The following DST variants were observed in gnomAD, a reference collection of about 807,000 sequenced individuals.
DST encodes bullous pemphigoid antigen.
Under a neutral mutation model 875.2 loss-of-function variants are expected in DST, and 253 were observed. That is an observed-to-expected ratio of 0.29 (90% CI 0.26 to 0.32). The LOEUF (loss-of-function observed/expected upper bound fraction) is 0.32, where lower values mean the gene tolerates loss of function less well. Ranked by LOEUF, DST falls within the 10% of genes least tolerant of loss-of-function variation. The pLI, the probability that DST is intolerant of heterozygous loss-of-function variation, is 1.00. For missense variants in DST, 8,287 were observed against 9,111.6 expected, an observed-to-expected ratio of 0.91 and a Z score of 3.68; for synonymous variants, 3,124 against 3,197.1, an observed-to-expected ratio of 0.98 and a Z score of 0.77.
rs1554548438 is a variant in DST at position 56,639,686 on chromosome 6, A to AG, written c.2697+9_2697+10insC. The AG allele has an allele frequency of 4.3e-6, 7 of 1,613,696 alleles. No individual in the cohort carries two copies. The highest frequency in any genetic ancestry group is 5.1e-6 in the Non-Finnish European group (6 of 1,179,838). ...TAAGGGAAACAGAAGGTTTAAAAAA[A>AG]AAAACTTACCAAGAGTTTTGCATAC... On this transcript the variant is annotated intron_variant, in intron 20 of 103. Coordinates refer to ENST00000680361, the MANE Select transcript of DST (RefSeq NM_001374736.1).
At position 56,954,497 on chromosome 6, in the gene DST, T is replaced by G. The variant is rs1473602604; in HGVS notation, c.91A>C (p.Thr31Pro). ...LLLLLLGTIA[T>P]IVFFCCWHRK... ...TGCCAGCAGCAGAAGAAGACGATGG[T>G]GGCGATGGTGCCCAGCAGAAGCAAC... is the stretch of plus-strand genomic sequence containing the variant. Residue 31 changes from threonine to proline, a missense_variant, in exon 1 of 104, where the codon ACC becomes CCC. Physicochemically the swap from Thr to Pro is conservative, Grantham distance 38. Transcript: ENST00000680361. 1 of 1,367,432 alleles carries G rather than the reference T, an allele frequency of 7.3e-7. No individual in the cohort carries two copies. The highest frequency in any genetic ancestry group is 9.8e-7 in the Non-Finnish European group (1 of 1,021,790). 84.7% of individuals were successfully genotyped at this position (1,367,432 alleles called of 1,614,324 possible). A position where few individuals can be genotyped will look rare whatever the true frequency, so the allele number is the denominator to read the frequency against.
chr6:56,602,054 T>C (rs1345851220), intron 43 of DST: 2 of 406,822 alleles, frequency 4.9e-6, no homozygotes, highest in Non-Finnish European at 9.4e-6. Flanking sequence ...CATGTAATTG[T>C]GGTAAGATAT....
rs869186436 is a variant in DST, at chr6:56,934,560, T to TTTTA, written c.216+19224_216+19225insTAAA. On this transcript the variant is annotated intron_variant, in intron 2 of 103. Transcript: ENST00000680361. The stretch of plus-strand genomic sequence containing the variant: ...TAAAATATACATATTATATATTATA[T>TTTTA]TATATATATATATATATATATATAT... Among the ~76,000 whole-genome samples, 219 of 106,486 alleles carry TTTTA rather than the reference T, an allele frequency of 2.1e-3. 4 individuals are homozygous for TTTTA. The East Asian group carries it at 0.024, about 12-fold the overall frequency. The allele number at this position is 106,486 out of a possible 152,430, so 69.9% of individuals were successfully genotyped here. A position where few individuals can be genotyped will look rare whatever the true frequency, so the allele number is the denominator to read the frequency against.
chr6:56,813,433 C>T (rs2153038870), intron 4 of DST, among the ~76,000 whole-genome samples: 1 of 151,698 alleles, frequency 6.6e-6, no homozygotes, highest in Admixed American at 6.6e-5. Context: ...GAAGCAAATA[C>T]TTTTTAAAAT....
intron 61 of DST, among the ~76,000 whole-genome samples, chr6:56,548,569 T>C (rs1007187032): frequency 6.6e-6 from 1 of 152,222 alleles, no homozygotes; most frequent in African/African-American, 2.4e-5. Flanking sequence ...GATTTGAAGA[T>C]AATCTTGAGC....
rs2098512326 is a variant in DST, at chr6:56,607,891, G to C, written c.6737C>G (p.Ala2246Gly). The C allele has an allele frequency of 6.2e-7, 1 of 1,613,460 alleles. No individual in the cohort carries two copies. The highest frequency in any genetic ancestry group is 1.1e-5 in the South Asian group (1 of 91,068). The change falls in exon 40 of 104, where the codon GCC (alanine) becomes GGC (glycine). Residue 2246 changes from alanine (A) to glycine (G), a missense_variant. By Grantham distance (60) the Ala-to-Gly change is moderately conservative. Transcript: ENST00000680361. ...GCHAEFDGNT[A>G]IKECLDVLSS... The stretch of plus-strand genomic sequence containing the variant: ...TAAGACATCGAGACATTCTTTTATG[G>C]CTGTGTTTCCATCAAATTCTGCATG...
chr6:56,823,682 T>C (rs2099775839), intron 4 of DST, among the ~76,000 whole-genome samples: 1 of 152,164 alleles, frequency 6.6e-6, no homozygotes, highest in Non-Finnish European at 1.5e-5. Flanking sequence ...GTGCTGGGAT[T>C]ACAGGGGTGA....
chr6:56,793,491 A>T (rs2099734802), intron 4 of DST, among the ~76,000 whole-genome samples: 1 of 152,254 alleles, frequency 6.6e-6, no homozygotes, highest in African/African-American at 2.4e-5. Context: ...GTTTTTCAAA[A>T]TAAAATGTTG....
chr6:56,495,258 A>G (rs1479340146), intron 82 of DST, among the ~76,000 whole-genome samples: 3 of 151,996 alleles, frequency 2.0e-5, no homozygotes, highest in Non-Finnish European at 4.4e-5. Context: ...CAAAATCAAA[A>G]GAACTTTATT....
chr6:56,804,873 T>C (rs1005910462), intron 4 of DST, among the ~76,000 whole-genome samples: 2 of 152,152 alleles, frequency 1.3e-5, no homozygotes, highest in Non-Finnish European at 2.9e-5. Flanking sequence ...TAACTAATTT[T>C]GAACTCACTT....
At chr6:56,824,835 A>C (rs1006301153) in intron 4 of DST, among the ~76,000 whole-genome samples, 3 of 151,068 alleles carry the variant, frequency 2.0e-5, no homozygotes, top group Non-Finnish European at 4.4e-5. Context: ...AGAAGTGAGG[A>C]GCGTCTCCGC....
At chr6:56,696,423 A>G (rs1220251705) in intron 9 of DST, among the ~76,000 whole-genome samples, 1 of 152,098 alleles carries the variant, frequency 6.6e-6, no homozygotes, top group Non-Finnish European at 1.5e-5. Flanking sequence ...CGGCCTCCCA[A>G]AGTGCTGGGA....
chr6:56,851,760 A>C, intron 3 of DST, 156 bp from the exon 4 acceptor site: 1 of 1,551,712 alleles, frequency 6.4e-7, no homozygotes, highest in Non-Finnish European at 8.7e-7. Context: ...AATATGCAGA[A>C]ACCAAAAAAA....
chr6:56,616,671 C>A (rs773278727), intron 36 of DST: 1 of 1,614,204 alleles, frequency 6.2e-7, no homozygotes, highest in Admixed American at 1.7e-5. Flanking sequence ...AGAGCAATTT[C>A]TGGAGGAACA....
chr6:56,849,084 A>G (rs978891197), intron 4 of DST, among the ~76,000 whole-genome samples: 2 of 150,402 alleles, frequency 1.3e-5, no homozygotes, highest in African/African-American at 4.9e-5. Flanking sequence ...ATGCTTCCCT[A>G]CTGTTTGTTG....
intron 55 of DST, 82 bp downstream of exon 55, chr6:56,568,387 A>C (rs2097719151): frequency 6.9e-7 from 1 of 1,451,160 alleles, no homozygotes; most frequent in Middle Eastern, 2.2e-4. Context: ...TTTATGCATT[A>C]ATTTAAAAAA....
intron 3 of DST, among the ~76,000 whole-genome samples, chr6:56,874,089 T>C (rs1778594017): frequency 6.6e-6 from 1 of 152,196 alleles, no homozygotes; most frequent in Non-Finnish European, 1.5e-5. Flanking sequence ...CACTCCAGCC[T>C]GGGCAACACA....
At chr6:56,636,326 G>GTGTATATA (rs2098824700) in intron 23 of DST, among the ~76,000 whole-genome samples, 1 of 149,156 alleles carries the variant, frequency 6.7e-6, no homozygotes, top group Non-Finnish European at 1.5e-5. Flanking sequence ...GTGTATATAT[G>GTGTATATA]TGTATATATG....
At chr6:56,809,794 A>G (rs573895514) in intron 4 of DST, among the ~76,000 whole-genome samples, 1 of 152,350 alleles carries the variant, frequency 6.6e-6, no homozygotes, top group East Asian at 1.9e-4. Flanking sequence ...CAGATTTTCA[A>G]TCACAAGGGT....
Sources: gnomAD v4.1 joint callset for allele counts (sites outside exome capture counted in the v4.1 genomes callset) on GRCh38, gnomAD v4.1.1 for gene constraint, MANE v1.5 for transcripts, NCBI Gene and HGNC (gene_info 2026-07-23, HGNC 2026-07-21) for gene names.